Variants in GRAMD1B observed in about 807,000 individuals in gnomAD.
GRAMD1B encodes the protein GRAM domain containing 1B.
GRAMD1B carries 37 observed loss-of-function variants against 99.7 expected under a neutral mutation model. That is an observed-to-expected ratio of 0.37 (90% CI 0.29 to 0.49). The LOEUF is 0.49. GRAMD1B is among the 20% of genes least tolerant of loss of function. The pLI, the probability that GRAMD1B is intolerant of heterozygous loss-of-function variation, is 0.98. For synonymous variants in GRAMD1B, 427 were observed against 387.6 expected, an observed-to-expected ratio of 1.10 and a Z score of -1.19; for missense variants, 888 against 1,009.2, an observed-to-expected ratio of 0.88 and a Z score of 1.63.
At chr11:123,466,310 GAGAA>G (rs763352222) in intron 1 of GRAMD1B, among the ~76,000 whole-genome samples, 5,180 of 137,882 alleles carry the variant, frequency 0.038, 148 homozygotes, top group Admixed American at 0.066. Context: ...AAGAGAGAGA[GAGAA>G]AGAGAAAGAA....
In GRAMD1B at chr11:123,619,210, A is replaced by G; in HGVS notation, c.2530A>G (p.Met844Val). The G allele has an allele frequency of 6.4e-7, 1 of 1,559,596 alleles. No homozygotes were observed. The change falls in exon 19 of 20, where the codon ATG becomes GTG. Residue 844 changes from methionine to valine, a missense_variant. Coordinates refer to ENST00000635736, the MANE Select transcript of GRAMD1B (RefSeq NM_001387025.1). ...KWREIIKSSV[M>V]LLDQMKDSLI... is the part of the protein sequence containing the mutation. Reference sequence around the variant, plus strand: ...GAGGGAAATCATCAAATCCTCAGTGATGCTCCTTGACCAGGTGAGATGCCC... The same window carrying G: ...GAGGGAAATCATCAAATCCTCAGTGGTGCTCCTTGACCAGGTGAGATGCCC...
chr11:123,530,244 T>C (rs1943216376), intron 2 of GRAMD1B, among the ~76,000 whole-genome samples: 1 of 151,500 alleles, frequency 6.6e-6, no homozygotes, highest in Non-Finnish European at 1.5e-5. Flanking sequence ...CCATTAATGG[T>C]CAACAATATT....
chr11:123,524,846 C>T (rs1942543262), intron 2 of GRAMD1B, among the ~76,000 whole-genome samples: 1 of 152,100 alleles, frequency 6.6e-6, no homozygotes, highest in Non-Finnish European at 1.5e-5. Flanking sequence ...TCTCTTTGTT[C>T]GTTGTCACCC....
intron 2 of GRAMD1B, among the ~76,000 whole-genome samples, chr11:123,572,262 C>G (rs543783134): frequency 6.6e-6 from 1 of 152,336 alleles, no homozygotes; most frequent in South Asian, 2.1e-4. Flanking sequence ...GTCTTCCTTC[C>G]ATCCCTACAG....
intron 1 of GRAMD1B, among the ~76,000 whole-genome samples, chr11:123,432,446 A>G (rs917500645): frequency 7.2e-5 from 11 of 152,002 alleles, no homozygotes; most frequent in East Asian, 5.8e-4. Flanking sequence ...AATCCCAACT[A>G]CTTGGGAGGC....
intron 1 of GRAMD1B, among the ~76,000 whole-genome samples, chr11:123,413,243 C>A (rs910673562): frequency 1.4e-4 from 22 of 152,178 alleles, no homozygotes; most frequent in Non-Finnish European, 2.5e-4. Context: ...TCCTGCTCTC[C>A]AAACCAACAA....
intron 11 of GRAMD1B, among the ~76,000 whole-genome samples, 153 bp downstream of exon 11, chr11:123,606,951 A>G (rs558897419): frequency 6.6e-6 from 1 of 152,266 alleles, no homozygotes; most frequent in South Asian, 2.1e-4. Flanking sequence ...ATTAGTTTAC[A>G]TCCCTGTTTT....
intron 1 of GRAMD1B, among the ~76,000 whole-genome samples, chr11:123,453,294 A>G (rs1485943851): frequency 6.6e-6 from 1 of 151,846 alleles, no homozygotes; most frequent in South Asian, 2.1e-4. Flanking sequence ...TATATTAAAT[A>G]TAAGTATATA....
At chr11:123,539,617 CA>C (rs1731851758) in intron 2 of GRAMD1B, among the ~76,000 whole-genome samples, 1 of 151,992 alleles carries the variant, frequency 6.6e-6, no homozygotes, top group African/African-American at 2.4e-5. Context: ...AACAAACAAA[CA>C]AAACCCAAAC....
chr11:123,526,060 T>C (rs1942692702), intron 2 of GRAMD1B: 1 of 1,126,136 alleles, frequency 8.9e-7, no homozygotes, highest in Non-Finnish European at 1.3e-6. Context: ...CTTTTGGGAC[T>C]TCGTCATCTT....
rs1479597418 is a variant in GRAMD1B, at chr11:123,606,791, C to T, written c.1506C>T (p.His502=). 3.7e-6 allele frequency: 6 copies of T among 1,613,028 alleles called. No individual in the cohort carries two copies. The highest frequency in any genetic ancestry group is 1.3e-5 in the African/African-American group (1 of 74,900). ...PTELSDSSDT[H]DEGEVQAFYE... ...AGCTCAGTGACTCTTCCGACACACACGATGAAGGTGGGCATTTGAAAATGG... is the reference window on the plus strand; with the variant it reads ...AGCTCAGTGACTCTTCCGACACACATGATGAAGGTGGGCATTTGAAAATGG... Residue 502 remains histidine, a synonymous_variant, in exon 11 of 20, where the codon CAC becomes CAT. Coordinates refer to ENST00000635736, the MANE Select transcript of GRAMD1B (RefSeq NM_001387025.1).
chr11:123,428,026 C>G (rs1948713067), upstream of GRAMD1B, among the ~76,000 whole-genome samples: 1 of 152,190 alleles, frequency 6.6e-6, no homozygotes, highest in Admixed American at 6.5e-5. Flanking sequence ...TCTTCTCCCT[C>G]TTCCCAAGCT....
chr11:123,396,557 T>C (rs1057044994), intron 1 of GRAMD1B, among the ~76,000 whole-genome samples: 9 of 152,192 alleles, frequency 5.9e-5, no homozygotes, highest in South Asian at 2.1e-4. Flanking sequence ...ATTACAGGCA[T>C]GAGCCACCAC....
chr11:123,415,095 C>CTTTTTTTTTTTTTTT (rs1175202539), intron 1 of GRAMD1B, among the ~76,000 whole-genome samples: 58 of 75,826 alleles, frequency 7.6e-4, no homozygotes, highest in East Asian at 2.5e-3. Context: ...CTTTTTCTTT[C>CTTTTTTTTTTTTTTT]TTTTTTTTTT....
chr11:123,476,962 T>A (rs536105284), intron 1 of GRAMD1B, among the ~76,000 whole-genome samples: 1 of 152,276 alleles, frequency 6.6e-6, no homozygotes, highest in East Asian at 1.9e-4. Context: ...TTAAATATAG[T>A]TATTTATATT....
intron 1 of GRAMD1B, among the ~76,000 whole-genome samples, chr11:123,393,003 ACAGGATGAGGC>A (rs1947333346): frequency 6.6e-6 from 1 of 152,196 alleles, no homozygotes; most frequent in Non-Finnish European, 1.5e-5. Context: ...AGATTGTTGA[ACAGGATGAGGC>A]CAGACACTCA....
At chr11:123,368,099 C>CA (rs1182703252) in intron 1 of GRAMD1B, among the ~76,000 whole-genome samples, 7 of 151,182 alleles carry the variant, frequency 4.6e-5, no homozygotes, top group Non-Finnish European at 4.4e-5. Flanking sequence ...ACTAAAAATA[C>CA]AAAAATTAGC....
chr11:123,525,060 T>A (rs1182395389), intron 2 of GRAMD1B, among the ~76,000 whole-genome samples: 1 of 152,224 alleles, frequency 6.6e-6, no homozygotes, highest in Non-Finnish European at 1.5e-5. Context: ...GTGGCTGGTC[T>A]GCATCTTCTT....
At chr11:123,470,167 C>T (rs1462625666) in intron 1 of GRAMD1B, among the ~76,000 whole-genome samples, 1 of 152,172 alleles carries the variant, frequency 6.6e-6, no homozygotes, top group Non-Finnish European at 1.5e-5. Context: ...ATTCAGGACT[C>T]CTGCCCACAT....
Sources: allele counts gnomAD v4.1 joint callset (sites outside exome capture counted in the v4.1 genomes callset), GRCh38; gene constraint gnomAD v4.1.1; transcripts MANE v1.5; gene names NCBI Gene and HGNC (gene_info 2026-07-23, HGNC 2026-07-21).